CYP2J2: variants seen among roughly 807,000 people sequenced by gnomAD.
CYP2J2 encodes the protein cytochrome P450 family 2 subfamily J member 2, also known as cytochrome P450 2J2.
Under a neutral mutation model 48.8 loss-of-function variants are expected in CYP2J2, and 41 were observed. That is an observed-to-expected ratio of 0.84 (90% CI 0.66 to 1.09). CYP2J2 has a LOEUF of 1.09. Ranked by LOEUF, CYP2J2 falls within the 50% of genes least tolerant of loss-of-function variation. CYP2J2 has a pLI of 0.00. For synonymous variants in CYP2J2, 221 were observed against 227.1 expected (o/e 0.97, Z 0.24); for missense variants, 644 against 617.3 (o/e 1.04, Z -0.46).
At chr1:59,951,707 T>C in the CYP2J2 span, among the ~76,000 whole-genome samples, 1,200 of 152,290 alleles carry the variant, frequency 7.9e-3, 16 homozygotes, top group African/African-American at 0.027. Context: ...TGACTGAAAG[T>C]AAGCTCTGAG....
upstream of CYP2J2, among the ~76,000 whole-genome samples, chr1:59,931,375 CCCAA>C (rs1644602151): frequency 6.6e-6 from 1 of 152,106 alleles, no homozygotes; most frequent in Non-Finnish European, 1.5e-5. Flanking sequence ...CCTCTGGGAG[CCCAA>C]CCAAGTTCTC....
the CYP2J2 span, among the ~76,000 whole-genome samples, chr1:59,937,811 G>A: frequency 4.6e-5 from 7 of 151,856 alleles, no homozygotes; most frequent in African/African-American, 1.4e-4. Flanking sequence ...CATCTTTGAG[G>A]TCACTAATTC....
intron 2 of CYP2J2, among the ~76,000 whole-genome samples, chr1:59,913,523 A>C (rs1339697990): frequency 6.6e-6 from 1 of 152,166 alleles, no homozygotes; most frequent in African/African-American, 2.4e-5. Context: ...CAAATACCTT[A>C]TACTCTTCTA....
the CYP2J2 span, among the ~76,000 whole-genome samples, chr1:59,968,182 C>T: frequency 6.6e-6 from 1 of 152,214 alleles, no homozygotes; most frequent in African/African-American, 2.4e-5. Context: ...CTGCCTGACT[C>T]TTTCCTTTCC....
the CYP2J2 span, among the ~76,000 whole-genome samples, chr1:59,956,296 T>C: frequency 1.6e-4 from 25 of 152,118 alleles, no homozygotes; most frequent in African/African-American, 6.0e-4. Flanking sequence ...TGCAGAGCCA[T>C]TGTGTTGGTC....
chr1:59,903,275 C>A (rs1481668903), intron 7 of CYP2J2, among the ~76,000 whole-genome samples: 5 of 152,102 alleles, frequency 3.3e-5, no homozygotes, highest in Non-Finnish European at 7.3e-5. Flanking sequence ...GGAATCGATC[C>A]ACGGAGGCTG....
upstream of CYP2J2, among the ~76,000 whole-genome samples, chr1:59,928,670 A>C (rs1449262077): frequency 6.6e-6 from 1 of 152,218 alleles, no homozygotes; most frequent in Non-Finnish European, 1.5e-5. Context: ...CTTGTAAGGC[A>C]GAAATAATAC....
chr1:59,957,216 G>A, the CYP2J2 span, among the ~76,000 whole-genome samples: 7 of 152,250 alleles, frequency 4.6e-5, no homozygotes, highest in East Asian at 1.4e-3. Flanking sequence ...GGGGATGGAG[G>A]TATTGAAAGA....
intron 1 of CYP2J2, among the ~76,000 whole-genome samples, chr1:59,921,239 T>C (rs945041006): frequency 1.3e-5 from 2 of 152,200 alleles, no homozygotes; most frequent in Non-Finnish European, 2.9e-5. Flanking sequence ...ATAAAGTAGA[T>C]AATGGGTATA....
intron 6 of CYP2J2, among the ~76,000 whole-genome samples, chr1:59,906,089 G>A (rs1372679247): frequency 6.6e-6 from 1 of 152,184 alleles, no homozygotes; most frequent in African/African-American, 2.4e-5. Flanking sequence ...GGGAGGCTGA[G>A]GCAGGAGAAT....
the CYP2J2 span, among the ~76,000 whole-genome samples, chr1:59,951,013 G>A: frequency 4.9e-4 from 74 of 152,278 alleles, no homozygotes; most frequent in African/African-American, 1.8e-3. Flanking sequence ...CAGCCCAAAT[G>A]GAAGGGAGGG....
At chr1:59,932,704 ATT>A in the CYP2J2 span, among the ~76,000 whole-genome samples, 14 of 144,676 alleles carry the variant, frequency 9.7e-5, no homozygotes, top group African/African-American at 2.0e-4. Context: ...TTCTTATTCT[ATT>A]TTTTTTTTTT....
chr1:59,905,184 G>T, intron 6 of CYP2J2, 126 bp from the exon 7 acceptor site: 1 of 964,664 alleles, frequency 1.0e-6, no homozygotes, highest in Non-Finnish European at 1.5e-6. Flanking sequence ...GAAATAAAAT[G>T]GTTCTTAACC....
rs1574251328 is a variant in CYP2J2, at chr1:59,907,800, TAGAGGGCCATATAA to T, written c.975_988del (p.Tyr326ProfsTer10). The T allele has an allele frequency of 6.2e-7, 1 of 1,613,888 alleles. No individual in the cohort carries two copies. Among genetic ancestry groups the T allele is most frequent in the East Asian group, 2.2e-5 (1 of 44,854 alleles). ...GACATGCTCACCTTGGATTTCTGGG[TAGAGGGCCATATAA>T]AGCAGAGCCCATCGCAGAGTTGTGG... On this transcript the variant is annotated frameshift_variant, in exon 6 of 9. Transcript: ENST00000371204. LOFTEE classifies it high-confidence loss of function.
chr1:59,948,017 G>A, the CYP2J2 span, among the ~76,000 whole-genome samples: 4 of 152,180 alleles, frequency 2.6e-5, no homozygotes, highest in Non-Finnish European at 5.9e-5. Context: ...CTAAGATTAG[G>A]TGGATTTGCA....
At chr1:59,933,094 C>CAA in the CYP2J2 span, among the ~76,000 whole-genome samples, 2 of 152,100 alleles carry the variant, frequency 1.3e-5, no homozygotes, top group Non-Finnish European at 1.5e-5. Context: ...ATGCATGGAA[C>CAA]AAATCAGAAA....
In CYP2J2 at chr1:59,893,593, G is replaced by A; in HGVS notation, c.*58C>T. The A allele has an allele frequency of 7.4e-7, 1 of 1,345,576 alleles. No individual in the cohort carries two copies. Among genetic ancestry groups the A allele is most frequent in the Non-Finnish European group, 1.0e-6 (1 of 980,610 alleles). 83.4% of individuals were successfully genotyped at this position (1,345,576 alleles called of 1,614,324 possible). A position where few individuals can be genotyped will look rare whatever the true frequency, so the allele number is the denominator to read the frequency against. On this transcript the variant is annotated 3_prime_UTR_variant, in exon 9 of 9. Transcript: ENST00000371204. ...CAACACATCTGAGCAGACACCAGTG[G>A]TTTCAGAACACGTGCCATGTCTTCT... is the stretch of plus-strand genomic sequence containing the variant.
chr1:59,946,616 A>C, the CYP2J2 span, among the ~76,000 whole-genome samples: 2 of 152,098 alleles, frequency 1.3e-5, no homozygotes, highest in Admixed American at 6.6e-5. Context: ...TTGTTGACTG[A>C]GTCAAGAGAC....
At position 59,909,794 on chromosome 1, in the gene CYP2J2, T is replaced by C; in HGVS notation, c.851A>G (p.Glu284Gly). The change falls in exon 5 of 9, where the codon GAA (glutamate) becomes GGA (glycine). Residue 284 changes from glutamate to glycine, a missense_variant. By Grantham distance (98) the Glu-to-Gly change is moderately conservative (BLOSUM62 -2). Transcript: ENST00000371204. ...TRDFIDAYLK[E>G]MSKHTGNPTS... is the part of the protein sequence containing the mutation. ...CTTTGGTTTTCTCACCTTTGACATTTCTTTAAGGTAAGCATCAATAAAGTC... is the reference window on the plus strand; with the variant it reads ...CTTTGGTTTTCTCACCTTTGACATTCCTTTAAGGTAAGCATCAATAAAGTC... 6.3e-7 allele frequency: 1 copy of C among 1,581,800 alleles called. No homozygotes were observed. Among genetic ancestry groups the C allele is most frequent in the Non-Finnish European group, 8.5e-7 (1 of 1,169,896 alleles).
Sources: allele counts gnomAD v4.1 joint callset (sites outside exome capture counted in the v4.1 genomes callset), GRCh38; gene constraint gnomAD v4.1.1; transcripts MANE v1.5; gene names NCBI Gene and HGNC (gene_info 2026-07-23, HGNC 2026-07-21).